The following NFKB2 variants were observed in gnomAD, a reference collection of about 807,000 sequenced individuals.
NFKB2 encodes nuclear factor kappa B subunit 2.
NFKB2 carries 21 observed loss-of-function variants against 109.3 expected under a neutral mutation model. The observed-to-expected ratio is 0.19, with a 90% CI of 0.14 to 0.28. The LOEUF (loss-of-function observed/expected upper bound fraction) is 0.28, where lower values mean the gene tolerates loss of function less well. NFKB2 is among the 10% of genes least tolerant of loss of function. NFKB2 has a pLI of 1.00. For missense variants in NFKB2, 806 were observed against 1,185.3 expected (o/e 0.68, Z 4.70); for synonymous variants, 478 against 489.9 (o/e 0.98, Z 0.32).
upstream of NFKB2, among the ~76,000 whole-genome samples, chr10:102,395,391 G>T (rs537589399): frequency 4.1e-4 from 63 of 152,292 alleles, no homozygotes; most frequent in Non-Finnish European, 6.6e-4. Flanking sequence ...CTCCCTCCTG[G>T]CAGAAAATCC....
At position 102,396,164 on chromosome 10, in the gene NFKB2, G is replaced by A. The variant is rs1161744944; in HGVS notation, c.22-89G>A. The A allele has an allele frequency of 3.4e-6, 5 of 1,480,534 alleles. No individual in the cohort carries two copies. Among genetic ancestry groups the A allele is most frequent in the African/African-American group, 1.4e-5 (1 of 72,338 alleles). The allele number at this position is 1,480,534 out of a possible 1,614,324, so 91.7% of individuals were successfully genotyped here. ...TTCTCTTGGGTCTGAGGAGGAGGGG[G>A]GAGTGACCACTGAAGACTTGGAGAT... On this transcript the variant is annotated intron_variant, in intron 2 of 22. Transcript: ENST00000661543. The surrounding 1 kb of genome is among the most constrained non-coding windows in gnomAD (Gnocchi z 5.9).
chr10:102,402,372 A>G lies in NFKB2; in HGVS notation c.2699A>G (p.His900Arg), dbSNP rs1256075283. 1 of 1,537,000 alleles carries G rather than the reference A, an allele frequency of 6.5e-7. No homozygotes were observed. The highest frequency in any genetic ancestry group is 8.8e-7 in the Non-Finnish European group (1 of 1,141,608). ...CACGGGCACCCCCAGCCTCAGGTGC[A>G]CTGACCTGCTGCCTGCCCCCAGCCC... The part of the protein sequence containing the change: ...LCHGHPQPQV[H>R] Residue 900 changes from histidine to arginine, a missense_variant, in exon 23 of 23, where the codon CAC becomes CGC. By Grantham distance (29) the His-to-Arg change is conservative (BLOSUM62 0). This residue lies in a region of NFKB2 where 211 missense variants were observed against 268.7 expected (regional missense o/e 0.79). Transcript: ENST00000661543.
Position 102,396,163 on chromosome 10 carries a change from G to C in NFKB2, c.22-90G>C. ...TTTCTCTTGGGTCTGAGGAGGAGGG[G>C]GGAGTGACCACTGAAGACTTGGAGA... On this transcript the variant is annotated intron_variant, in intron 2 of 22. Transcript: ENST00000661543. This position sits in a 1 kb window ranked among gnomAD's most constrained non-coding sequence, Gnocchi z 5.9. 6.8e-7 allele frequency: 1 copy of C among 1,481,042 alleles called. No homozygotes were observed. Among genetic ancestry groups the C allele is most frequent in the Non-Finnish European group, 9.3e-7 (1 of 1,071,016 alleles). 91.7% of individuals were successfully genotyped at this position (1,481,042 alleles called of 1,614,324 possible).
In NFKB2 at chr10:102,401,233, C is replaced by A. The variant is rs761599377; in HGVS notation, c.2125C>A (p.Pro709Thr). ...GCCCCTGTGCCCACTGCCTTCACCCCCTACCTCTGATAGCGACTCGGACTC... is the reference window on the plus strand; with the variant it reads ...GCCCCTGTGCCCACTGCCTTCACCCACTACCTCTGATAGCGACTCGGACTC... Reference protein sequence around the residue: ...EEPLCPLPSPPTSDSDSDSEG... With the variant: ...EEPLCPLPSPTTSDSDSDSEG... Residue 709 changes from proline to threonine, a missense_variant, in exon 19 of 23, where the codon CCT becomes ACT. Around this residue, in one of 10 missense-constraint regions of NFKB2, gnomAD observed 211 missense variants for 268.7 expected, o/e 0.79. Transcript: ENST00000661543. The surrounding 1 kb of genome is among the most constrained non-coding windows in gnomAD (Gnocchi z 4.2). 2 of 1,611,254 alleles carry A rather than the reference C, an allele frequency of 1.2e-6. No homozygotes were observed. Among genetic ancestry groups the A allele is most frequent in the Admixed American group, 3.4e-5 (2 of 59,690 alleles).
rs752449762 is a variant in NFKB2 at position 102,397,865 on chromosome 10, T to C, written c.662-116T>C. ...CTTCTGTCTTTAGTAAATGTGTATA[T>C]TGGGTGTTTCCTGCAGCTCCAGGGG... On this transcript the variant is annotated intron_variant, in intron 8 of 22. Transcript: ENST00000661543. This position sits in a 1 kb window ranked among gnomAD's most constrained non-coding sequence, Gnocchi z 4.7. The C allele has an allele frequency of 2.1e-4, 264 of 1,256,198 alleles. No individual in the cohort carries two copies. The highest frequency in any genetic ancestry group is 5.1e-4 in the Middle Eastern group (2 of 3,906). The allele number at this position is 1,256,198 out of a possible 1,614,324, so 77.8% of individuals were successfully genotyped here.
rs575286267 is a variant in NFKB2, at chr10:102,400,521, G to T, written c.1798+30G>T. 1 of 1,589,062 alleles carries T rather than the reference G, an allele frequency of 6.3e-7. No homozygotes were observed. The highest frequency in any genetic ancestry group is 2.3e-5 in the East Asian group (1 of 43,248). On this transcript the variant is annotated intron_variant, in intron 16 of 22. Coordinates refer to ENST00000661543, the MANE Select transcript of NFKB2 (RefSeq NM_001322934.2). This position sits in a 1 kb window ranked among gnomAD's most constrained non-coding sequence, Gnocchi z 6.3. ...GCTCCCCATCTCACCTGACTAAGGGGGCAGGCGGGGACCAGGGAGGGTATC... is the reference window on the plus strand; with the variant it reads ...GCTCCCCATCTCACCTGACTAAGGGTGCAGGCGGGGACCAGGGAGGGTATC...
chr10:102,395,449 CCA>C (rs2061087365), upstream of NFKB2, among the ~76,000 whole-genome samples: 1 of 152,186 alleles, frequency 6.6e-6, no homozygotes, highest in Admixed American at 6.5e-5. Context: ...GGACTTGGCC[CCA>C]GACTGCCAGC....
rs1318527251 is a variant in NFKB2 at position 102,395,995 on chromosome 10, C to T, written c.21+15C>T. The T allele has an allele frequency of 8.7e-6, 14 of 1,612,168 alleles. No homozygotes were observed. Among genetic ancestry groups the T allele is most frequent in the Non-Finnish European group, 1.2e-5 (14 of 1,179,984 alleles). ...GCTACAACCCAGTGAGTCATGCCGC[C>T]TGCCCCTGACCCGGCCGGCTGCCCC... On this transcript the variant is annotated intron_variant, in intron 2 of 22. Transcript: ENST00000661543.
Position 102,400,890 on chromosome 10 carries a change from G to C in NFKB2, c.1969-57G>C, listed in dbSNP as rs550351264. 7 of 1,583,418 alleles carry C rather than the reference G, an allele frequency of 4.4e-6. No homozygotes were observed. The highest frequency in any genetic ancestry group is 5.2e-6 in the Non-Finnish European group (6 of 1,163,132). ...TGGAGGGGCCAAAGATGGTGAAGGG[G>C]GGGGCTGGCCAAGGGGACCATGCTG... On this transcript the variant is annotated intron_variant, in intron 17 of 22. Transcript: ENST00000661543. The surrounding 1 kb of genome is among the most constrained non-coding windows in gnomAD (Gnocchi z 6.3).
chr10:102,397,964 C>T lies in NFKB2; in HGVS notation c.662-17C>T. ...GGCTATTGCATCATCTCAACTAATC[C>T]ATATCCCACTCCATAGAATCTCCGG... is the stretch of plus-strand genomic sequence containing the variant. On this transcript the variant is annotated splice_polypyrimidine_tract_variant and intron_variant, in intron 8 of 22. Coordinates refer to ENST00000661543, the MANE Select transcript of NFKB2 (RefSeq NM_001322934.2). This position sits in a 1 kb window ranked among gnomAD's most constrained non-coding sequence, Gnocchi z 4.7. 6.2e-7 allele frequency: 1 copy of T among 1,612,528 alleles called. No homozygotes were observed.
Position 102,401,407 on chromosome 10 carries a change from G to C in NFKB2, c.2224-42G>C, listed in dbSNP as rs2061243885. ...TCTGGACTTAAAGACACAGGCTTAA[G>C]GACGAGGTGGGAGGTAGTCAGAACT... On this transcript the variant is annotated intron_variant, in intron 19 of 22. Transcript: ENST00000661543. This position sits in a 1 kb window ranked among gnomAD's most constrained non-coding sequence, Gnocchi z 4.2. 1 of 1,613,730 alleles carries C rather than the reference G, an allele frequency of 6.2e-7. No individual in the cohort carries two copies. Among genetic ancestry groups the C allele is most frequent in the East Asian group, 2.2e-5 (1 of 44,880 alleles).
In NFKB2 at chr10:102,397,785, T is replaced by C; in HGVS notation, c.661+100T>C. On this transcript the variant is annotated intron_variant, in intron 8 of 22. Transcript: ENST00000661543. The surrounding 1 kb of genome is among the most constrained non-coding windows in gnomAD (Gnocchi z 4.7). ...TCAAACAGACCCAGGTTTCAGAACC[T>C]GGCCCTGCCACATATGAGCTGAGTG... 1 of 1,446,650 alleles carries C rather than the reference T, an allele frequency of 6.9e-7. No homozygotes were observed. The highest frequency in any genetic ancestry group is 2.0e-5 in the Admixed American group (1 of 51,006). The allele number at this position is 1,446,650 out of a possible 1,614,324, so 89.6% of individuals were successfully genotyped here. A position where few individuals can be genotyped will look rare whatever the true frequency, so the allele number is the denominator to read the frequency against.
Position 102,400,378 on chromosome 10 carries a change from C to A in NFKB2, c.1685C>A (p.Ser562Ter). 1 of 1,613,662 alleles carries A rather than the reference C, an allele frequency of 6.2e-7. No homozygotes were observed. The highest frequency in any genetic ancestry group is 8.5e-7 in the Non-Finnish European group (1 of 1,180,004). Residue 562 changes from serine to a stop codon, truncating the protein, a stop_gained, in exon 16 of 23, where the codon TCA becomes TAA. Coordinates refer to ENST00000661543, the MANE Select transcript of NFKB2 (RefSeq NM_001322934.2). LOFTEE classifies it high-confidence loss of function. This position sits in a 1 kb window ranked among gnomAD's most constrained non-coding sequence, Gnocchi z 6.3. ...GCTCTGCTGGATCGGCATGGAGACT[C>A]AGCCATGCATCTGGCGCTGCGGGCA... is the stretch of plus-strand genomic sequence containing the variant. ...DPALLDRHGD[S>*]AMHLALRAGA...
rs1386671723 is a variant in NFKB2, at chr10:102,398,158, A to G, written c.767-54A>G. On this transcript the variant is annotated intron_variant, in intron 9 of 22. Coordinates refer to ENST00000661543, the MANE Select transcript of NFKB2 (RefSeq NM_001322934.2). This position sits in a 1 kb window ranked among gnomAD's most constrained non-coding sequence, Gnocchi z 6.6. ...TGGGGCCAGGGAAGCTCTAGGGTAAATGGCCCCAGAGATTCCACCGGGAGC... is the reference window on the plus strand; with the variant it reads ...TGGGGCCAGGGAAGCTCTAGGGTAAGTGGCCCCAGAGATTCCACCGGGAGC... The G allele has an allele frequency of 6.2e-7, 1 of 1,611,164 alleles. No homozygotes were observed. Among genetic ancestry groups the G allele is most frequent in the African/African-American group, 1.3e-5 (1 of 74,814 alleles).
In NFKB2 at chr10:102,401,190, C is replaced by A; in HGVS notation, c.2082C>A (p.Ile694=). Residue 694 remains isoleucine, a synonymous_variant, in exon 19 of 23, where the codon ATC becomes ATA. Coordinates refer to ENST00000661543, the MANE Select transcript of NFKB2 (RefSeq NM_001322934.2). The surrounding 1 kb of genome is among the most constrained non-coding windows in gnomAD (Gnocchi z 4.2). ...TRLLLKAGAD[I]HAENEEPLCP... The stretch of plus-strand genomic sequence containing the variant: ...GCCTCCCTCTCCCAGGTGCTGACAT[C>A]CATGCTGAAAACGAGGAGCCCCTGT... 6.3e-7 allele frequency: 1 copy of A among 1,593,428 alleles called. No homozygotes were observed. Among genetic ancestry groups the A allele is most frequent in the Non-Finnish European group, 8.6e-7 (1 of 1,167,714 alleles).
intron 14 of NFKB2, 101 bp from the exon 15 acceptor site, chr10:102,399,979 G>A: frequency 7.8e-7 from 1 of 1,285,332 alleles, no homozygotes; most frequent in Non-Finnish European, 1.1e-6. Context: ...CACGTGCTGG[G>A]TTCCATGGGC....
rs1324330616 is a variant in NFKB2 at position 102,400,628 on chromosome 10, T to G, written c.1799-27T>G. 6.2e-7 allele frequency: 1 copy of G among 1,611,990 alleles called. No homozygotes were observed. Among genetic ancestry groups the G allele is most frequent in the South Asian group, 1.1e-5 (1 of 90,896 alleles). ...CAGGGGCTGCCTTAAGGGTCACAGC[T>G]GCAGGTTGAGCATCCTGCATCCTTA... On this transcript the variant is annotated intron_variant, in intron 16 of 22. Coordinates refer to ENST00000661543, the MANE Select transcript of NFKB2 (RefSeq NM_001322934.2). This position sits in a 1 kb window ranked among gnomAD's most constrained non-coding sequence, Gnocchi z 6.3.
At position 102,401,411 on chromosome 10, in the gene NFKB2, G is replaced by A. The variant is rs72845693; in HGVS notation, c.2224-38G>A. The A allele has an allele frequency of 0.01, 16,139 of 1,613,744 alleles. 107 individuals are homozygous for A. The highest frequency in any genetic ancestry group is 0.012 in the Non-Finnish European group (13,874 of 1,179,896). On this transcript the variant is annotated intron_variant, in intron 19 of 22. Coordinates refer to ENST00000661543, the MANE Select transcript of NFKB2 (RefSeq NM_001322934.2). This position sits in a 1 kb window ranked among gnomAD's most constrained non-coding sequence, Gnocchi z 4.2. Reference sequence around the variant, plus strand: ...GACTTAAAGACACAGGCTTAAGGACGAGGTGGGAGGTAGTCAGAACTGCGG... The same window carrying A: ...GACTTAAAGACACAGGCTTAAGGACAAGGTGGGAGGTAGTCAGAACTGCGG...
In NFKB2 at chr10:102,396,543, G is replaced by A; in HGVS notation, c.144+54G>A. On this transcript the variant is annotated intron_variant, in intron 4 of 22. Coordinates refer to ENST00000661543, the MANE Select transcript of NFKB2 (RefSeq NM_001322934.2). This position sits in a 1 kb window ranked among gnomAD's most constrained non-coding sequence, Gnocchi z 5.9. ...TGGCTTCAGCTTTGGGGACAAATGG[G>A]GTAGTGGTAGCTGGCTGGCCATGGA... 6.2e-7 allele frequency: 1 copy of A among 1,612,286 alleles called. No homozygotes were observed. The highest frequency in any genetic ancestry group is 1.1e-5 in the South Asian group (1 of 91,012).
Sources: allele counts gnomAD v4.1 joint callset (sites outside exome capture counted in the v4.1 genomes callset), GRCh38; gene constraint gnomAD v4.1.1; regional missense constraint gnomAD v4.1.1; non-coding constraint Gnocchi (gnomAD v3.1); transcripts MANE v1.5; gene names NCBI Gene and HGNC (gene_info 2026-07-23, HGNC 2026-07-21).